PTGER3: variants seen among roughly 807,000 people sequenced by gnomAD.
PTGER3 encodes the protein prostaglandin E2 receptor EP3 subtype.
Under a neutral mutation model 34.7 loss-of-function variants are expected in PTGER3, and 22 were observed. The ratio of observed to expected loss-of-function variants is 0.63; its 90% CI spans 0.45 to 0.91. The LOEUF is 0.91. Among genes scored for constraint, PTGER3 ranks in the 40% least tolerant of loss-of-function variants. The pLI is 0.00. For synonymous variants in PTGER3, 241 were observed against 230.1 expected (o/e 1.05, Z -0.43); for missense variants, 468 against 519.4 (o/e 0.90, Z 0.96).
chr1:70,872,581 GA>G (rs1646185359), intron 4 of PTGER3, among the ~76,000 whole-genome samples: 4 of 152,192 alleles, frequency 2.6e-5, no homozygotes, highest in African/African-American at 9.6e-5. Flanking sequence ...AAGACTTGGA[GA>G]AATTAAGTAA....
chr1:70,880,382 C>CT (rs57067363), intron 4 of PTGER3, among the ~76,000 whole-genome samples: 212 of 140,280 alleles, frequency 1.5e-3, no homozygotes, highest in East Asian at 6.1e-3. Flanking sequence ...TTTCTTTTTT[C>CT]TTTTTTTTTT....
At chr1:71,045,814 A>T (rs1660723181) in intron 1 of PTGER3, among the ~76,000 whole-genome samples, 1 of 151,948 alleles carries the variant, frequency 6.6e-6, no homozygotes, top group South Asian at 2.1e-4. Context: ...CACTTCCTAG[A>T]GGGTCAAGCA....
intron 4 of PTGER3, among the ~76,000 whole-genome samples, chr1:70,946,927 T>A: frequency 6.6e-6 from 1 of 152,126 alleles, no homozygotes; most frequent in Non-Finnish European, 1.5e-5. Flanking sequence ...CAGACTTATA[T>A]AATTCCAGGT....
chr1:71,011,407 A>G, intron 2 of PTGER3: 1 of 985,238 alleles, frequency 1.0e-6, no homozygotes, highest in Non-Finnish European at 1.2e-6. Context: ...AGGGAAATAT[A>G]TATTCAGAGT....
intron 4 of PTGER3, among the ~76,000 whole-genome samples, chr1:70,927,318 T>C (rs191589022): frequency 6.6e-6 from 1 of 152,298 alleles, no homozygotes; most frequent in African/African-American, 2.4e-5. Context: ...TCCTGGACTC[T>C]TTTTGGTTGG....
intron 1 of PTGER3, among the ~76,000 whole-genome samples, chr1:71,022,397 G>A (rs747013757): frequency 6.6e-6 from 1 of 151,894 alleles, no homozygotes; most frequent in Non-Finnish European, 1.5e-5. Flanking sequence ...AGTGGCCTCA[G>A]TGATGGACTT....
At position 70,917,339 on chromosome 1, in the gene PTGER3, G is replaced by A. The variant is rs149590637; in HGVS notation, c.*23+36424C>T. Among the ~76,000 whole-genome samples, 24 of 150,174 alleles carry A rather than the reference G, an allele frequency of 1.6e-4. No individual in the cohort carries two copies. The East Asian group carries it at 4.1e-3, about 26-fold the overall frequency. ...TTTCACTTAATATAATGTCCTTCAG[G>A]TTCATCTGTGTTGCTTCAAATGACA... is the stretch of plus-strand genomic sequence containing the variant. On this transcript the variant is annotated intron_variant, in intron 4 of 4. Transcript: ENST00000370931.
At chr1:70,904,266 A>G (rs896083993) in intron 4 of PTGER3, among the ~76,000 whole-genome samples, 11 of 152,166 alleles carry the variant, frequency 7.2e-5, no homozygotes, top group African/African-American at 1.7e-4. Context: ...CTATGTCTTT[A>G]TCAGCAGTAT....
At chr1:70,996,655 A>ATTTATTTATTTG (rs1655990872) in intron 2 of PTGER3, among the ~76,000 whole-genome samples, 1 of 136,270 alleles carries the variant, frequency 7.3e-6, no homozygotes, top group Non-Finnish European at 1.5e-5. Flanking sequence ...TTATTTATTT[A>ATTTATTTATTTG]TTTATTTATT....
intron 4 of PTGER3, chr1:70,852,902 C>T: frequency 6.3e-7 from 1 of 1,586,906 alleles, no homozygotes; most frequent in Non-Finnish European, 8.6e-7. Flanking sequence ...ATAATAAATG[C>T]ACTGTTAATA....
At chr1:70,923,970 G>T in intron 4 of PTGER3, among the ~76,000 whole-genome samples, 1 of 152,050 alleles carries the variant, frequency 6.6e-6, no homozygotes, top group East Asian at 1.9e-4. Context: ...TTGACTTGTA[G>T]AGCCAATAAA....
At chr1:70,996,971 G>A (rs1656042738) in intron 2 of PTGER3, among the ~76,000 whole-genome samples, 1 of 152,130 alleles carries the variant, frequency 6.6e-6, no homozygotes, top group Non-Finnish European at 1.5e-5. Flanking sequence ...CTGTTTCTAT[G>A]TTTTGAAGTA....
chr1:70,981,328 T>C (rs1654274203), intron 2 of PTGER3, among the ~76,000 whole-genome samples: 1 of 51,448 alleles, frequency 1.9e-5, no homozygotes, highest in African/African-American at 9.0e-5. Context: ...TTCTTCTTTC[T>C]TTCTTTCTTT....
chr1:70,971,721 G>A lies in PTGER3; in HGVS notation c.*9C>T, dbSNP rs200200880. On this transcript the variant is annotated 3_prime_UTR_variant, in exon 4 of 4. Coordinates refer to ENST00000306666, the MANE Select transcript of PTGER3 (RefSeq NM_198719.2). The stretch of plus-strand genomic sequence containing the variant: ...GAATTGCAATAAAATGTCCAACTCC[G>A]TTCTTTCATTATCTGTTAGAATAGA... The A allele has an allele frequency of 2.9e-4, 451 of 1,562,830 alleles. No individual in the cohort carries two copies. Among genetic ancestry groups the A allele is most frequent in the Non-Finnish European group, 3.7e-4 (426 of 1,153,270 alleles).
chr1:71,009,098 A>T lies in PTGER3; in HGVS notation c.1077+3207T>A, dbSNP rs376692827. The T allele has an allele frequency of 2.1e-4, 202 of 985,174 alleles. 2 individuals are homozygous for T. The South Asian group carries it at 8.5e-3, about 41-fold the overall frequency. 61.0% of individuals were successfully genotyped at this position (985,174 alleles called of 1,614,324 possible). The stretch of plus-strand genomic sequence containing the variant: ...TGACCAATAATTTGGAGTCAAAAAG[A>T]ACAAAATTATAAAAAGCGTTGAATA... On this transcript the variant is annotated intron_variant, in intron 2 of 3. Transcript: ENST00000306666.
At chr1:70,860,581 T>G (rs1473896304) in intron 4 of PTGER3, among the ~76,000 whole-genome samples, 1 of 152,200 alleles carries the variant, frequency 6.6e-6, no homozygotes, top group South Asian at 2.1e-4. Flanking sequence ...AGAAGTTTGG[T>G]GACATTTTTG....
chr1:70,932,433 AT>A (rs1467098022), intron 4 of PTGER3, among the ~76,000 whole-genome samples: 7 of 152,060 alleles, frequency 4.6e-5, no homozygotes, highest in Admixed American at 3.3e-4. Flanking sequence ...GTATTAGTCC[AT>A]TTTCATGCTG....
At chr1:70,895,255 T>A (rs1392001128) in intron 4 of PTGER3, among the ~76,000 whole-genome samples, 1 of 152,242 alleles carries the variant, frequency 6.6e-6, no homozygotes, top group Non-Finnish European at 1.5e-5. Context: ...ACACTCTTTG[T>A]GTATCAGGAT....
At chr1:70,988,473 A>T (rs967130124) in intron 2 of PTGER3, among the ~76,000 whole-genome samples, 1 of 152,192 alleles carries the variant, frequency 6.6e-6, no homozygotes, top group Admixed American at 6.5e-5. Context: ...ATTTGTGAGC[A>T]GAAGTGATGA....
Sources: allele counts gnomAD v4.1 joint callset (sites outside exome capture counted in the v4.1 genomes callset), GRCh38; gene constraint gnomAD v4.1.1; transcripts MANE v1.5; gene names NCBI Gene and HGNC (gene_info 2026-07-23, HGNC 2026-07-21).